ZNF536: variants seen among roughly 807,000 people sequenced by gnomAD.
ZNF536 encodes zinc finger protein 536.
In ZNF536, 13 loss-of-function variants were observed where a neutral mutation model predicts 84.5. That is an observed-to-expected ratio of 0.15 (90% CI 0.10 to 0.24). The LOEUF (loss-of-function observed/expected upper bound fraction) is 0.24, where lower values mean the gene tolerates loss of function less well. Ranked by LOEUF, ZNF536 falls within the 10% of genes least tolerant of loss-of-function variation. The pLI is 1.00. For synonymous variants in ZNF536, 811 were observed against 742.5 expected (o/e 1.09, Z -1.50); for missense variants, 1,536 against 1,747.5 (o/e 0.88, Z 2.16).
At chr19:30,516,869 A>G (rs2044100228) in intron 2 of ZNF536, among the ~76,000 whole-genome samples, 1 of 152,182 alleles carries the variant, frequency 6.6e-6, no homozygotes, top group Non-Finnish European at 1.5e-5. Flanking sequence ...AACGCTTGAA[A>G]GGCAGGGAGG....
intron 2 of ZNF536, among the ~76,000 whole-genome samples, chr19:30,343,334 C>T (rs1331752089): frequency 6.6e-6 from 1 of 152,192 alleles, no homozygotes; most frequent in Non-Finnish European, 1.5e-5. Flanking sequence ...CAAACCTCTG[C>T]ATGTGTGTAT....
At chr19:30,303,792 C>A (rs376310370) in intron 2 of ZNF536, among the ~76,000 whole-genome samples, 1 of 152,156 alleles carries the variant, frequency 6.6e-6, no homozygotes, top group African/African-American at 2.4e-5. Context: ...CATGCCCAGC[C>A]GACACTTTTT....
At chr19:30,426,935 C>T (rs753833764) in intron 1 of ZNF536, among the ~76,000 whole-genome samples, 18 of 152,050 alleles carry the variant, frequency 1.2e-4, no homozygotes, top group Non-Finnish European at 1.2e-4. Flanking sequence ...TTTAGTCCAC[C>T]CACTCATCTA....
chr19:30,420,763 A>G (rs1226094063), intron 1 of ZNF536, among the ~76,000 whole-genome samples: 1 of 152,202 alleles, frequency 6.6e-6, no homozygotes, highest in Non-Finnish European at 1.5e-5. Flanking sequence ...GATATTTGAA[A>G]TATTCCTCTC....
At chr19:30,568,025 T>G (rs953575607) in intron 1 of ZNF536, among the ~76,000 whole-genome samples, 4 of 152,186 alleles carry the variant, frequency 2.6e-5, no homozygotes, top group Non-Finnish European at 4.4e-5. Context: ...TTAGGGCTAT[T>G]ATGATAATTA....
chr19:30,336,196 T>G lies in ZNF536; in HGVS notation c.-119-16172T>G, dbSNP rs114205753. On this transcript the variant is annotated intron_variant, in intron 2 of 5. Coordinates refer to the ZNF536 transcript ENST00000585628. ...CAGAACCTGCTTGATCACGGGGGAC[T>G]TGAGTCCAGCTGGAAAGATCTATTA... 8.7e-3 allele frequency among the ~76,000 whole-genome samples: 1,319 copies of G among 152,340 alleles called. 18 individuals carry two copies. Among genetic ancestry groups the G allele is most frequent in the African/African-American group, 0.029 (1,224 of 41,580 alleles).
At chr19:30,264,966 T>TGTGTGTGTGA (rs59889852) in intron 1 of ZNF536, among the ~76,000 whole-genome samples, 23 of 133,856 alleles carry the variant, frequency 1.7e-4, no homozygotes, top group East Asian at 7.3e-4. Context: ...TGTGTGTGTG[T>TGTGTGTGTGA]GAGAGAGAGA....
intron 2 of ZNF536, among the ~76,000 whole-genome samples, chr19:30,511,632 G>A (rs980448212): frequency 2.6e-5 from 4 of 152,158 alleles, no homozygotes; most frequent in African/African-American, 7.2e-5. Flanking sequence ...AAACAGACAC[G>A]TAACTCACCC....
At chr19:30,264,455 G>A (rs969607054) in intron 1 of ZNF536, among the ~76,000 whole-genome samples, 4 of 144,666 alleles carry the variant, frequency 2.8e-5, no homozygotes, top group African/African-American at 1.0e-4. Flanking sequence ...ATGTGTGTGT[G>A]TTATTGTTCA....
chr19:30,598,358 C>A (rs978490963), intron 1 of ZNF536, among the ~76,000 whole-genome samples: 1 of 152,126 alleles, frequency 6.6e-6, no homozygotes, highest in African/African-American at 2.4e-5. Flanking sequence ...AGGCTTGGTA[C>A]CAAGTCTGCA....
chr19:30,646,039 T>C (rs1479290431), intron 1 of ZNF536, among the ~76,000 whole-genome samples: 1 of 152,202 alleles, frequency 6.6e-6, no homozygotes, highest in Non-Finnish European at 1.5e-5. Flanking sequence ...TACTGCATTC[T>C]GTAGCTCTGT....
intron 3 of ZNF536, among the ~76,000 whole-genome samples, chr19:30,353,593 G>T (rs1158864192): frequency 6.6e-6 from 1 of 152,056 alleles, no homozygotes; most frequent in Non-Finnish European, 1.5e-5. Flanking sequence ...CAACCCACAG[G>T]CTTCCGGGCC....
rs1403191069 is a variant in ZNF536 at position 30,444,312 on chromosome 19, C to G, written c.750C>G (p.Asp250Glu). The G allele has an allele frequency of 1.3e-6, 2 of 1,585,766 alleles. No individual in the cohort carries two copies. The highest frequency in any genetic ancestry group is 1.7e-6 in the Non-Finnish European group (2 of 1,172,950). ...LALQANHSVP[D>E]VAHPVPSPKP... ...TGCAGGCTAACCACAGCGTTCCCGA[C>G]GTGGCCCACCCGGTGCCCTCGCCCA... Residue 250 changes from aspartate to glutamate, a missense_variant, in exon 2 of 5, where the codon GAC (aspartate) becomes GAG (glutamate). Asp to Glu is a conservative substitution (Grantham distance 45, BLOSUM62 2). Transcript: ENST00000355537.
At chr19:30,274,884 T>C (rs1363566546) in intron 1 of ZNF536, among the ~76,000 whole-genome samples, 1 of 152,220 alleles carries the variant, frequency 6.6e-6, no homozygotes, top group Non-Finnish European at 1.5e-5. Context: ...ATAGATATCT[T>C]GGGGTTTGAT....
chr19:30,347,153 T>G (rs1342844819), intron 2 of ZNF536, among the ~76,000 whole-genome samples: 2 of 152,138 alleles, frequency 1.3e-5, no homozygotes, highest in Non-Finnish European at 2.9e-5. Context: ...TGCCTTCTTT[T>G]GAAAAGTTAG....
At chr19:30,454,723 T>TAAA (rs2052757958) in intron 2 of ZNF536, among the ~76,000 whole-genome samples, 1 of 152,128 alleles carries the variant, frequency 6.6e-6, no homozygotes, top group African/African-American at 2.4e-5. Context: ...ATGTCCTTTT[T>TAAA]AGTGACCTTC....
At chr19:30,582,408 G>T (rs1438381906) in intron 1 of ZNF536, among the ~76,000 whole-genome samples, 1 of 138,030 alleles carries the variant, frequency 7.2e-6, no homozygotes, top group African/African-American at 2.7e-5. Flanking sequence ...TTCAGACAGG[G>T]TCTAATTCTC....
intron 1 of ZNF536, among the ~76,000 whole-genome samples, chr19:30,595,585 G>T (rs2047436237): frequency 6.6e-6 from 1 of 152,166 alleles, no homozygotes; most frequent in African/African-American, 2.4e-5. Flanking sequence ...ACCATGCCTG[G>T]CCAGAACTCA....
chr19:30,633,811 C>T (rs2048972340), intron 1 of ZNF536, among the ~76,000 whole-genome samples: 1 of 152,156 alleles, frequency 6.6e-6, no homozygotes, highest in East Asian at 1.9e-4. Flanking sequence ...TAGGCTCATT[C>T]AATTCTCCTG....
Sources: allele counts gnomAD v4.1 joint callset (sites outside exome capture counted in the v4.1 genomes callset), GRCh38; gene constraint gnomAD v4.1.1; transcripts MANE v1.5; gene names NCBI Gene and HGNC (gene_info 2026-07-23, HGNC 2026-07-21).